LRP1B: variants seen among roughly 807,000 people sequenced by gnomAD.
LRP1B encodes the protein LDL receptor related protein 1B.
In LRP1B, 217 loss-of-function variants were observed where a neutral mutation model predicts 556.6. The observed-to-expected ratio is 0.39, with a 90% CI of 0.35 to 0.44. The LOEUF is 0.44. LRP1B is among the 20% of genes least tolerant of loss of function. The probability of loss-of-function intolerance (pLI) is 1.00; values close to 1 mark genes in which losing one functional copy is unlikely to be tolerated. For synonymous variants in LRP1B, 2,047 were observed against 1,865.8 expected (o/e 1.10, Z -2.50); for missense variants, 5,053 against 5,620.8 (o/e 0.90, Z 3.23).
chr2:142,130,712 G>C lies in LRP1B; in HGVS notation c.18C>G (p.Leu6=), dbSNP rs139525868. 7.4e-6 allele frequency: 12 copies of C among 1,613,140 alleles called. No individual in the cohort carries two copies. The highest frequency in any genetic ancestry group is 1.0e-5 in the Non-Finnish European group (12 of 1,179,594). ...ATAATCCCGAGAGAGTGAGTAAGGCGAGGAGAAACTCGGACATTGTGGTCG... is the reference window on the plus strand; with the variant it reads ...ATAATCCCGAGAGAGTGAGTAAGGCCAGGAGAAACTCGGACATTGTGGTCG... MSEFL[L]ALLTLSGLLP... The change falls in exon 1 of 91, where the codon CTC becomes CTG. Residue 6 remains leucine, a synonymous_variant. Transcript: ENST00000389484.
intron 41 of LRP1B, among the ~76,000 whole-genome samples, chr2:140,679,272 G>A (rs899074191): frequency 6.6e-6 from 1 of 152,106 alleles, no homozygotes; most frequent in Non-Finnish European, 1.5e-5. Context: ...ACTCATGTGC[G>A]GAGGTACTGA....
intron 7 of LRP1B, among the ~76,000 whole-genome samples, chr2:141,161,800 A>T (rs552092531): frequency 6.6e-6 from 1 of 152,216 alleles, no homozygotes; most frequent in East Asian, 1.9e-4. Context: ...CAGCTATGAC[A>T]CAAGCTCACT....
intron 41 of LRP1B, among the ~76,000 whole-genome samples, chr2:140,645,153 C>T (rs1320590849): frequency 3.9e-5 from 6 of 152,088 alleles, no homozygotes; most frequent in Non-Finnish European, 7.4e-5. Flanking sequence ...TTACCATTTG[C>T]AGTTTTCTTC....
At chr2:141,582,956 C>T (rs962681162) in intron 2 of LRP1B, among the ~76,000 whole-genome samples, 4 of 142,542 alleles carry the variant, frequency 2.8e-5, no homozygotes, top group Non-Finnish European at 3.0e-5. Flanking sequence ...CTGCCTCAGC[C>T]TCCTGAGTAA....
intron 20 of LRP1B, among the ~76,000 whole-genome samples, chr2:140,925,775 G>A (rs1353728037): frequency 2.0e-5 from 3 of 152,070 alleles, no homozygotes; most frequent in African/African-American, 7.2e-5. Flanking sequence ...TGAAAATTAG[G>A]GAGCGTCTTG....
intron 2 of LRP1B, among the ~76,000 whole-genome samples, chr2:141,602,458 T>G (rs776256297): frequency 3.9e-5 from 6 of 152,168 alleles, no homozygotes; most frequent in Non-Finnish European, 8.8e-5. Flanking sequence ...AGAAAGTAAT[T>G]TAAACAATAT....
intron 35 of LRP1B, among the ~76,000 whole-genome samples, chr2:140,718,571 G>GAT (rs1687290308): frequency 6.6e-6 from 1 of 151,774 alleles, no homozygotes. Flanking sequence ...TATAGCTACA[G>GAT]ATATACTTTT....
chr2:141,699,438 CAATGACT>C (rs1421212439), intron 2 of LRP1B, among the ~76,000 whole-genome samples: 1 of 151,728 alleles, frequency 6.6e-6, no homozygotes, highest in Non-Finnish European at 1.5e-5. Flanking sequence ...ATAGTGAACC[CAATGACT>C]AATCACTCCA....
At chr2:140,812,227 T>C (rs1690953860) in intron 32 of LRP1B, among the ~76,000 whole-genome samples, 1 of 152,094 alleles carries the variant, frequency 6.6e-6, no homozygotes, top group Non-Finnish European at 1.5e-5. Flanking sequence ...GACATTTCCA[T>C]AGAACTCTAC....
chr2:141,771,943 C>T (rs531693793), intron 2 of LRP1B, among the ~76,000 whole-genome samples: 11 of 152,122 alleles, frequency 7.2e-5, no homozygotes, highest in African/African-American at 2.4e-4. Context: ...CTCAGCCTCC[C>T]GAGTAGCTGG....
At position 140,255,126 on chromosome 2, in the gene LRP1B, GTTAA is replaced by G. The variant is rs976614516; in HGVS notation, c.13248-7968_13248-7965del. On this transcript the variant is annotated intron_variant, in intron 86 of 90. Transcript: ENST00000389484. ...ACAAATTTGTCTATCTTACATAAAT[GTTAA>G]TTAGTCATAAAACTCTTACCAGATT... 7.9e-5 allele frequency among the ~76,000 whole-genome samples: 12 copies of G among 152,224 alleles called. 1 individual carries two copies. Among genetic ancestry groups the G allele is most frequent in the Middle Eastern group, 6.8e-3 (2 of 294 alleles).
intron 1 of LRP1B, among the ~76,000 whole-genome samples, chr2:142,051,479 G>GT (rs540052313): frequency 4.2e-3 from 152 of 35,816 alleles, no homozygotes; most frequent in East Asian, 0.021. Context: ...TTGTTTTTTT[G>GT]TTTTTTTTTT....
intron 75 of LRP1B, among the ~76,000 whole-genome samples, chr2:140,355,998 C>A (rs1682193510): frequency 6.6e-6 from 1 of 151,798 alleles, no homozygotes; most frequent in East Asian, 1.9e-4. Flanking sequence ...AGAAATGGGT[C>A]ATCATAAACA....
In LRP1B at chr2:140,502,994, T is replaced by C; in HGVS notation, c.8631A>G (p.Glu2877=). ...TTTTACACTTTGGGTTTAAAGGTGC[T>C]TCATCAGAATGGTCAGGACAGTCAA... The part of the protein sequence containing the change: ...GDFDCPDHSD[E]APLNPKCKSA... The change falls in exon 54 of 91, where the codon GAA becomes GAG. Residue 2877 remains glutamate (E), a synonymous_variant. Transcript: ENST00000389484. 1 of 1,613,322 alleles carries C rather than the reference T, an allele frequency of 6.2e-7. No homozygotes were observed. Among genetic ancestry groups the C allele is most frequent in the Non-Finnish European group, 8.5e-7 (1 of 1,179,380 alleles).
At chr2:140,934,913 T>C (rs983435349) in intron 20 of LRP1B, among the ~76,000 whole-genome samples, 1 of 152,140 alleles carries the variant, frequency 6.6e-6, no homozygotes, top group Non-Finnish European at 1.5e-5. Context: ...CAACCACTTA[T>C]ACAAATGAAA....
At chr2:141,575,594 T>C (rs904694013) in intron 2 of LRP1B, among the ~76,000 whole-genome samples, 1 of 151,998 alleles carries the variant, frequency 6.6e-6, no homozygotes, top group Admixed American at 6.6e-5. Context: ...AGCCAAAATT[T>C]ACAAATGGGA....
intron 2 of LRP1B, among the ~76,000 whole-genome samples, chr2:141,581,740 A>T (rs993141191): frequency 1.3e-5 from 2 of 152,150 alleles, no homozygotes; most frequent in Non-Finnish European, 2.9e-5. Flanking sequence ...ACATTCAGAG[A>T]CACTAGGTTC....
intron 7 of LRP1B, among the ~76,000 whole-genome samples, chr2:141,096,632 GAGAGAGAGA>G (rs1700319648): frequency 1.1e-4 from 3 of 28,264 alleles, no homozygotes; most frequent in Admixed American, 3.0e-4. Flanking sequence ...GAGAGGGGGA[GAGAGAGAGA>G]GAGAGAGAGA....
At position 141,258,400 on chromosome 2, in the gene LRP1B, C is replaced by T. The variant is rs1472432471; in HGVS notation, c.344-3759G>A. On this transcript the variant is annotated intron_variant, in intron 3 of 90. Coordinates refer to ENST00000389484, the MANE Select transcript of LRP1B (RefSeq NM_018557.3). ...ACTCGGGAGGTTGAGGCAGGAGAATCGCTTGAACCCAGGAGGCAGAGGATA... is the reference window on the plus strand; with the variant it reads ...ACTCGGGAGGTTGAGGCAGGAGAATTGCTTGAACCCAGGAGGCAGAGGATA... Among the ~76,000 whole-genome samples the T allele has an allele frequency of 5.9e-5, 9 of 151,996 alleles. No homozygotes were observed. The East Asian group carries it at 9.7e-4, about 16-fold the overall frequency.
Sources: allele counts gnomAD v4.1 joint callset (sites outside exome capture counted in the v4.1 genomes callset), GRCh38; gene constraint gnomAD v4.1.1; transcripts MANE v1.5; gene names NCBI Gene and HGNC (gene_info 2026-07-23, HGNC 2026-07-21).